EDIL3: variants seen among roughly 807,000 people sequenced by gnomAD.
The protein encoded by EDIL3 is EGF like and discoidin domains 3, also known as EGF-like repeat and discoidin I-like domain-containing protein 3.
In EDIL3, 37 loss-of-function variants were observed where a neutral mutation model predicts 67.4. That is an observed-to-expected ratio of 0.55 (90% confidence interval 0.42 to 0.72). The LOEUF (loss-of-function observed/expected upper bound fraction) is 0.72, where lower values mean the gene tolerates loss of function less well. EDIL3 is among the 30% of genes least tolerant of loss of function. The pLI is 0.00. For synonymous variants in EDIL3, 195 were observed against 196.3 expected (o/e 0.99, Z 0.05); for missense variants, 527 against 586.3 (o/e 0.90, Z 1.04).
At chr5:84,114,428 C>G (rs1747628884) in intron 5 of EDIL3, among the ~76,000 whole-genome samples, 1 of 152,118 alleles carries the variant, frequency 6.6e-6, no homozygotes, top group Non-Finnish European at 1.5e-5. Flanking sequence ...GCCTTAGCTT[C>G]ACTTACTCAT....
rs114570609 is a variant in EDIL3, at chr5:84,209,377, A to C, written c.226+20478T>G. On this transcript the variant is annotated intron_variant, in intron 3 of 10. Transcript: ENST00000296591. ...GTACCCTAAAACTTAAAGTATAATA[A>C]TAAAAAAAAGAGTTCTACAAATGTT... 5.6e-3 allele frequency among the ~76,000 whole-genome samples: 859 copies of C among 152,262 alleles called. 5 individuals are homozygous for C. The highest frequency in any genetic ancestry group is 9.3e-3 in the Admixed American group (143 of 15,306).
At chr5:83,957,551 T>C (rs1413784827) in intron 10 of EDIL3, among the ~76,000 whole-genome samples, 4 of 151,680 alleles carry the variant, frequency 2.6e-5, no homozygotes, top group African/African-American at 7.3e-5. Flanking sequence ...TTTGAATATA[T>C]CCTTCAATGC....
intron 3 of EDIL3, among the ~76,000 whole-genome samples, chr5:84,218,597 A>C (rs149945994): frequency 1.3e-5 from 2 of 152,310 alleles, no homozygotes; most frequent in African/African-American, 4.8e-5. Context: ...GTAGAGCACC[A>C]AGCAGGCTCC....
At chr5:84,210,096 G>A (rs1265258421) in intron 3 of EDIL3, among the ~76,000 whole-genome samples, 1 of 152,112 alleles carries the variant, frequency 6.6e-6, no homozygotes, top group Non-Finnish European at 1.5e-5. Flanking sequence ...AATTTAAATA[G>A]TAATAGTTTA....
chr5:84,006,506 G>A, intron 9 of EDIL3, among the ~76,000 whole-genome samples: 1 of 152,110 alleles, frequency 6.6e-6, no homozygotes, highest in East Asian at 1.9e-4. Flanking sequence ...CCACTTGTAA[G>A]TGCAAGCTAA....
intron 9 of EDIL3, among the ~76,000 whole-genome samples, chr5:84,050,884 G>A (rs1294805339): frequency 6.6e-6 from 1 of 152,198 alleles, no homozygotes; most frequent in Non-Finnish European, 1.5e-5. Flanking sequence ...TCCACCTCTG[G>A]GGGCAGGGCA....
chr5:84,331,894 C>G (rs572951687), intron 1 of EDIL3, among the ~76,000 whole-genome samples: 8 of 152,066 alleles, frequency 5.3e-5, no homozygotes, highest in Non-Finnish European at 1.0e-4. Flanking sequence ...ATTATATGGT[C>G]CCAAGGAACT....
intron 1 of EDIL3, among the ~76,000 whole-genome samples, chr5:84,256,629 G>A (rs1166703280): frequency 1.3e-5 from 2 of 152,142 alleles, no homozygotes; most frequent in Non-Finnish European, 2.9e-5. Flanking sequence ...TCAAGGTCTT[G>A]TATGCTGTGC....
intron 3 of EDIL3, among the ~76,000 whole-genome samples, chr5:84,182,829 C>T (rs1749039287): frequency 4.6e-5 from 7 of 151,540 alleles, no homozygotes; most frequent in Admixed American, 4.6e-4. Context: ...TTTGTCAGCA[C>T]CACACCAATT....
At chr5:83,968,745 A>T (rs961849058) in intron 9 of EDIL3, among the ~76,000 whole-genome samples, 1 of 152,008 alleles carries the variant, frequency 6.6e-6, no homozygotes, top group Non-Finnish European at 1.5e-5. Context: ...ACTACAACTT[A>T]TGATTGTTGT....
intron 1 of EDIL3, among the ~76,000 whole-genome samples, chr5:84,359,532 T>C (rs1299579107): frequency 6.6e-6 from 1 of 152,214 alleles, no homozygotes; most frequent in Non-Finnish European, 1.5e-5. Flanking sequence ...AACCTGTAAA[T>C]TGAAAATAAA....
At chr5:84,122,059 T>C (rs1747785394) in intron 5 of EDIL3, among the ~76,000 whole-genome samples, 2 of 152,096 alleles carry the variant, frequency 1.3e-5, no homozygotes, top group East Asian at 3.9e-4. Flanking sequence ...GATGGTTCTC[T>C]ACCTTGCAAT....
At chr5:84,147,932 A>G (rs1485808982) in intron 4 of EDIL3, among the ~76,000 whole-genome samples, 1 of 152,136 alleles carries the variant, frequency 6.6e-6, no homozygotes. Flanking sequence ...AATAAAATTA[A>G]GAATACTTCC....
chr5:84,046,245 G>A (rs987369740), intron 9 of EDIL3, among the ~76,000 whole-genome samples: 4 of 152,140 alleles, frequency 2.6e-5, no homozygotes, highest in Admixed American at 1.3e-4. Context: ...AATTTAGAGG[G>A]CAAGCTGAAT....
At chr5:84,286,935 A>G (rs1349083096) in intron 1 of EDIL3, among the ~76,000 whole-genome samples, 1 of 152,162 alleles carries the variant, frequency 6.6e-6, no homozygotes, top group Non-Finnish European at 1.5e-5. Flanking sequence ...ACAGTATCTC[A>G]GCAATGCTAG....
intron 6 of EDIL3, among the ~76,000 whole-genome samples, chr5:84,104,618 CA>C (rs2112281295): frequency 6.6e-6 from 1 of 151,780 alleles, no homozygotes; most frequent in South Asian, 2.1e-4. Flanking sequence ...ATCTTCAGAC[CA>C]AAAGCAAATT....
At chr5:84,361,128 G>A (rs888537442) in intron 1 of EDIL3, among the ~76,000 whole-genome samples, 1 of 152,042 alleles carries the variant, frequency 6.6e-6, no homozygotes, top group East Asian at 1.9e-4. Flanking sequence ...ACAGACAAGC[G>A]ATGGTTGTGA....
chr5:84,066,393 A>C lies in EDIL3; in HGVS notation c.807+58T>G. On this transcript the variant is annotated intron_variant, in intron 7 of 10. Transcript: ENST00000296591. ...TCTCCTGAAGACCTTGTCATTTGAT[A>C]ATCAATAATTATCAATGACATTTTT... is the stretch of plus-strand genomic sequence containing the variant. 2.0e-6 allele frequency: 3 copies of C among 1,508,362 alleles called. No homozygotes were observed. In the African/African-American group the frequency reaches 4.3e-5, roughly 22 times the overall value. 93.4% of individuals were successfully genotyped at this position (1,508,362 alleles called of 1,614,324 possible).
chr5:84,060,682 C>T (rs1387759708), intron 8 of EDIL3, among the ~76,000 whole-genome samples, 198 bp from the exon 9 acceptor site: 2 of 152,074 alleles, frequency 1.3e-5, no homozygotes, highest in East Asian at 3.8e-4. Context: ...TCAATTCAAG[C>T]TATTTTGTCT....
Sources: allele counts gnomAD v4.1 joint callset (sites outside exome capture counted in the v4.1 genomes callset), GRCh38; gene constraint gnomAD v4.1.1; transcripts MANE v1.5; gene names NCBI Gene and HGNC (gene_info 2026-07-23, HGNC 2026-07-21).